NFIX: variants seen among roughly 807,000 people sequenced by gnomAD.
The protein encoded by NFIX is nuclear factor I X.
In NFIX, 2 loss-of-function variants were observed where a neutral mutation model predicts 53.3. That is an observed-to-expected ratio of 0.04 (90% CI 0.02 to 0.12). The LOEUF (loss-of-function observed/expected upper bound fraction) is 0.12, where lower values mean the gene tolerates loss of function less well. Ranked by LOEUF, NFIX falls within the 10% of genes least tolerant of loss-of-function variation. The pLI, the probability that NFIX is intolerant of heterozygous loss-of-function variation, is 1.00. For missense variants in NFIX, 310 were observed against 674.5 expected (o/e 0.46, Z 5.99); for synonymous variants, 244 against 289.0 (o/e 0.84, Z 1.58).
intron 8 of NFIX, among the ~76,000 whole-genome samples, chr19:13,083,626 C>G (rs1331217471): frequency 6.6e-6 from 1 of 152,164 alleles, no homozygotes; most frequent in Non-Finnish European, 1.5e-5. Context: ...CCAAGCAGAC[C>G]ATGGACAAAA....
chr19:13,001,148 G>C lies in NFIX; in HGVS notation c.27+5284G>C, dbSNP rs2011671231. 6.6e-6 allele frequency among the ~76,000 whole-genome samples: 1 copy of C among 152,218 alleles called. No homozygotes were observed. Among genetic ancestry groups the C allele is most frequent in the Non-Finnish European group, 1.5e-5 (1 of 68,038 alleles). On this transcript the variant is annotated intron_variant, in intron 1 of 10. Transcript: ENST00000592199. This position sits in a 1 kb window ranked among gnomAD's most constrained non-coding sequence, Gnocchi z 6.5. ...TAATTTTCTTGCCCCCAAAGCCCTG[G>C]ATGTGGGGGCAAGTGGGCCAGGAGG...
Position 13,013,223 on chromosome 19 carries a change from G to A in NFIX, c.28-11798G>A, listed in dbSNP as rs888259706. Among the ~76,000 whole-genome samples the A allele has an allele frequency of 6.6e-6, 1 of 152,082 alleles. No individual in the cohort carries two copies. Among genetic ancestry groups the A allele is most frequent in the African/African-American group, 2.4e-5 (1 of 41,398 alleles). ...AGCACTTCCTGGGCAGGCCAGGGGA[G>A]AGGACGGAAAAGTGAAAAAAGAACG... On this transcript the variant is annotated intron_variant, in intron 1 of 10. Transcript: ENST00000592199. This position sits in a 1 kb window ranked among gnomAD's most constrained non-coding sequence, Gnocchi z 5.9.
At chr19:13,050,933 C>T (rs887466663) in intron 2 of NFIX, among the ~76,000 whole-genome samples, 3 of 152,234 alleles carry the variant, frequency 2.0e-5, no homozygotes, top group Non-Finnish European at 4.4e-5. Context: ...CTGTCCCTTC[C>T]GTCCTTCCAG....
At chr19:13,023,430 C>T (rs912115392) in intron 1 of NFIX, among the ~76,000 whole-genome samples, 2 of 151,826 alleles carry the variant, frequency 1.3e-5, no homozygotes, top group African/African-American at 4.8e-5. Flanking sequence ...GCGAGCTCCC[C>T]CTTTTCCTCC....
intron 1 of NFIX, among the ~76,000 whole-genome samples, chr19:13,008,147 T>C (rs1599711686): frequency 6.6e-6 from 1 of 151,980 alleles, no homozygotes. Context: ...GCTGGTGGGG[T>C]TTCGCCATGT....
At chr19:13,032,200 G>A (rs2013868068) in intron 2 of NFIX, among the ~76,000 whole-genome samples, 1 of 152,218 alleles carries the variant, frequency 6.6e-6, no homozygotes, top group Non-Finnish European at 1.5e-5. Flanking sequence ...CATTCTCAGA[G>A]GAGTTGGCTC....
In NFIX at chr19:13,091,004, G is replaced by T. The variant is rs77038572; in HGVS notation, c.1494+614G>T. Among the ~76,000 whole-genome samples the T allele has an allele frequency of 3.0e-3, 463 of 152,262 alleles. 2 individuals carry two copies. Among genetic ancestry groups the T allele is most frequent in the African/African-American group, 0.011 (446 of 41,548 alleles). On this transcript the variant is annotated intron_variant, in intron 10 of 10. Coordinates refer to ENST00000592199, the MANE Select transcript of NFIX (RefSeq NM_001365902.3). ...ACACCACCCTTAGTTCTCACCAGGA[G>T]ACAGATCCCCGTCACAAGCAGGGCA...
At chr19:13,064,839 G>A (rs1321452136) in intron 2 of NFIX, among the ~76,000 whole-genome samples, 2 of 152,184 alleles carry the variant, frequency 1.3e-5, no homozygotes, top group African/African-American at 4.8e-5. Context: ...AAGGGAAATA[G>A]TAATCCAGGT....
rs1178352702 is a variant in NFIX, at chr19:13,068,145, T to C, written c.560-4902T>C. On this transcript the variant is annotated intron_variant, in intron 2 of 10. Transcript: ENST00000592199. This position sits in a 1 kb window ranked among gnomAD's most constrained non-coding sequence, Gnocchi z 4.2. ...ACAAAAACAAAAAACAAAAACATGC[T>C]GTCAGTTGGAGTTTATGTGCAATCC... Among the ~76,000 whole-genome samples, 1 of 151,392 alleles carries C rather than the reference T, an allele frequency of 6.6e-6. No homozygotes were observed. The highest frequency in any genetic ancestry group is 2.4e-5 in the African/African-American group (1 of 41,208).
chr19:13,010,716 T>C (rs1003847591), intron 1 of NFIX, among the ~76,000 whole-genome samples: 4 of 152,164 alleles, frequency 2.6e-5, no homozygotes, highest in African/African-American at 7.2e-5. Context: ...CACACATGGC[T>C]CCAGGCCCAC....
At chr19:13,031,305 C>T (rs552426654) in intron 2 of NFIX, among the ~76,000 whole-genome samples, 1 of 152,192 alleles carries the variant, frequency 6.6e-6, no homozygotes, top group Admixed American at 6.5e-5. Context: ...GCCAGCAAAG[C>T]GCCGACCGTG....
Position 13,090,532 on chromosome 19 carries a change from C to CT in NFIX, c.1494+146dup. The CT allele has an allele frequency of 1.3e-6, 1 of 786,964 alleles. No homozygotes were observed. The highest frequency in any genetic ancestry group is 2.2e-6 in the Non-Finnish European group (1 of 463,276). The allele number at this position is 786,964 out of a possible 1,614,324, so 48.7% of individuals were successfully genotyped here. A position where few individuals can be genotyped will look rare whatever the true frequency, so the allele number is the denominator to read the frequency against. ...CTGAGGTGGGGCTGGAGGGCCCAGG[C>CT]TTTTGCACGCCCAGCTGAGCCTGTC... On this transcript the variant is annotated intron_variant, in intron 10 of 10. Coordinates refer to ENST00000592199, the MANE Select transcript of NFIX (RefSeq NM_001365902.3). This position sits in a 1 kb window ranked among gnomAD's most constrained non-coding sequence, Gnocchi z 6.6.
chr19:13,003,708 G>A (rs1416710303), intron 1 of NFIX, among the ~76,000 whole-genome samples: 7 of 151,908 alleles, frequency 4.6e-5, no homozygotes, highest in East Asian at 1.9e-4. Flanking sequence ...GTGCGATCTC[G>A]GCTCACTGCA....
intron 7 of NFIX, among the ~76,000 whole-genome samples, chr19:13,080,258 GTTTTTC>G (rs1328063114): frequency 2.0e-5 from 3 of 152,160 alleles, no homozygotes; most frequent in East Asian, 1.9e-4. Flanking sequence ...TTTTTTGTTT[GTTTTTC>G]TTTTTCTTTT....
chr19:13,069,219 G>A (rs2016616179), intron 2 of NFIX, among the ~76,000 whole-genome samples: 1 of 152,182 alleles, frequency 6.6e-6, no homozygotes, highest in Admixed American at 6.5e-5. Context: ...CTGGGAGGGT[G>A]GTTGGGTGGC....
intron 1 of NFIX, chr19:13,024,749 T>G: frequency 6.6e-7 from 1 of 1,511,708 alleles, no homozygotes; most frequent in Non-Finnish European, 8.9e-7. Flanking sequence ...AGAGAGAGAA[T>G]AGGTGTGTGT....
rs2015394119 is a variant in NFIX at position 13,052,617 on chromosome 19, C to G, written c.560-20430C>G. ...CCAGATTCTCTCAGAGAAACAGTCA[C>G]ATGTCAGACATGTGCCCTTTCTTGG... On this transcript the variant is annotated intron_variant, in intron 2 of 10. Coordinates refer to ENST00000592199, the MANE Select transcript of NFIX (RefSeq NM_001365902.3). This position sits in a 1 kb window ranked among gnomAD's most constrained non-coding sequence, Gnocchi z 5.2. Among the ~76,000 whole-genome samples the G allele has an allele frequency of 2.0e-5, 3 of 152,218 alleles. No homozygotes were observed. The highest frequency in any genetic ancestry group is 7.2e-5 in the African/African-American group (3 of 41,444).
intron 6 of NFIX, 101 bp downstream of exon 6, chr19:13,075,772 T>A: frequency 1.5e-6 from 2 of 1,341,940 alleles, no homozygotes; most frequent in Non-Finnish European, 2.0e-6. Context: ...TGTCCCCCTG[T>A]CGGGGGGCAT....
intron 1 of NFIX, among the ~76,000 whole-genome samples, chr19:12,997,589 G>A (rs546816255): frequency 2.0e-5 from 3 of 152,300 alleles, no homozygotes; most frequent in Admixed American, 6.5e-5. Flanking sequence ...GGCCTCTTTG[G>A]TGCTACACTT....
Sources: gnomAD v4.1 joint callset for allele counts (sites outside exome capture counted in the v4.1 genomes callset) on GRCh38, gnomAD v4.1.1 for gene constraint, Gnocchi (gnomAD v3.1) non-coding constraint, MANE v1.5 for transcripts, NCBI Gene and HGNC (gene_info 2026-07-23, HGNC 2026-07-21) for gene names.